The following GREB1L variants were observed in gnomAD, a reference collection of about 807,000 sequenced individuals.
The protein encoded by GREB1L is GREB1-like protein.
GREB1L carries 17 observed loss-of-function variants against 200.8 expected under a neutral mutation model. The ratio of observed to expected loss-of-function variants is 0.08; its 90% confidence interval spans 0.06 to 0.13. The LOEUF is 0.13. Among genes scored for constraint, GREB1L ranks in the 10% least tolerant of loss-of-function variants. The pLI, the probability that GREB1L is intolerant of heterozygous loss-of-function variation, is 1.00. For missense variants in GREB1L, 1,657 were observed against 2,367.7 expected (o/e 0.70, Z 6.23); for synonymous variants, 789 against 893.0 (o/e 0.88, Z 2.08).
rs377216142 is a variant in GREB1L, at chr18:21,442,602, C to A, written c.1207+1065C>A. 7.9e-5 allele frequency among the ~76,000 whole-genome samples: 12 copies of A among 152,278 alleles called. No individual in the cohort carries two copies. In the East Asian group the frequency reaches 2.3e-3, roughly 29 times the overall value. On this transcript the variant is annotated intron_variant, in intron 10 of 32. Transcript: ENST00000424526. ...GAGGGACTATCCTCTCCATCAACCA[C>A]CAAAACAGAGCATATTTTGGACATA...
intron 19 of GREB1L, among the ~76,000 whole-genome samples, chr18:21,493,420 A>G (rs1017669034): frequency 1.4e-4 from 22 of 152,280 alleles, no homozygotes; most frequent in African/African-American, 3.6e-4. Flanking sequence ...TGCTTCTGCA[A>G]TGTCATCTTG....
At chr18:21,249,166 A>G (rs2143901798) in intron 1 of GREB1L, among the ~76,000 whole-genome samples, 1 of 152,152 alleles carries the variant, frequency 6.6e-6, no homozygotes, top group East Asian at 1.9e-4. Flanking sequence ...TAGGTAGATA[A>G]CTTAGTTACA....
intron 17 of GREB1L, among the ~76,000 whole-genome samples, chr18:21,479,263 G>A (rs1274555976): frequency 6.6e-6 from 1 of 152,272 alleles, no homozygotes; most frequent in Admixed American, 6.5e-5. Flanking sequence ...AGAGACAACT[G>A]TCCTAATTCA....
At position 21,382,755 on chromosome 18, in the gene GREB1L, G is replaced by A. The variant is rs1186182704; in HGVS notation, c.-9-755G>A. Among the ~76,000 whole-genome samples, 5 of 152,082 alleles carry A rather than the reference G, an allele frequency of 3.3e-5. No individual in the cohort carries two copies. In the East Asian group the frequency reaches 5.8e-4, roughly 18 times the overall value. On this transcript the variant is annotated intron_variant, in intron 2 of 32. Transcript: ENST00000424526. ...ACCTGCCCCAGCCTCCCAAAGTGCC[G>A]GGTTTACAGGCATGAGCCACTATGC...
chr18:21,505,232 A>G (rs1340166068), intron 23 of GREB1L, among the ~76,000 whole-genome samples, 180 bp from the exon 24 acceptor site: 1 of 152,140 alleles, frequency 6.6e-6, no homozygotes, highest in Non-Finnish European at 1.5e-5. Context: ...GTGAGGGCAA[A>G]TGTTCCTCTC....
chr18:21,469,846 C>T (rs1384369275), intron 15 of GREB1L, among the ~76,000 whole-genome samples: 2 of 152,088 alleles, frequency 1.3e-5, no homozygotes. Flanking sequence ...TACTTCTGTG[C>T]CCAAACCACT....
At chr18:21,378,910 C>T (rs1224511367) in intron 2 of GREB1L, among the ~76,000 whole-genome samples, 2 of 151,636 alleles carry the variant, frequency 1.3e-5, no homozygotes, top group East Asian at 1.9e-4. Context: ...TGCTCTGTCA[C>T]CCAGGCTGGA....
chr18:21,508,294 C>T lies in GREB1L; in HGVS notation c.4530+15C>T. 6.4e-7 allele frequency: 1 copy of T among 1,551,606 alleles called. No individual in the cohort carries two copies. Among genetic ancestry groups the T allele is most frequent in the Non-Finnish European group, 8.7e-7 (1 of 1,147,006 alleles). On this transcript the variant is annotated intron_variant, in intron 26 of 32. Coordinates refer to ENST00000424526, the MANE Select transcript of GREB1L (RefSeq NM_001142966.3). ...TTTCAGACAAGGTGGGTGAGAGCATCTGGACTGGCAGGCACCAGACCTAGT... is the reference window on the plus strand; with the variant it reads ...TTTCAGACAAGGTGGGTGAGAGCATTTGGACTGGCAGGCACCAGACCTAGT...
intron 15 of GREB1L, among the ~76,000 whole-genome samples, chr18:21,471,193 T>G (rs1360401368): frequency 3.9e-5 from 6 of 152,266 alleles, no homozygotes; most frequent in African/African-American, 1.4e-4. Flanking sequence ...TTCATTTGTT[T>G]TGAAAGGCAG....
rs375428298 is a variant in GREB1L, at chr18:21,474,713, T to C, written c.2363+1502T>C. Among the ~76,000 whole-genome samples the C allele has an allele frequency of 1.1e-4, 17 of 152,320 alleles. No homozygotes were observed. In the East Asian group the frequency reaches 3.3e-3, roughly 29 times the overall value. On this transcript the variant is annotated intron_variant, in intron 16 of 32. Coordinates refer to ENST00000424526, the MANE Select transcript of GREB1L (RefSeq NM_001142966.3). ...ACCCCAAAAAGCCACTTTTCCCTCC[T>C]GGCCCACAAAAATACTTTTTCCTCC... is the stretch of plus-strand genomic sequence containing the variant.
At chr18:21,452,288 A>G (rs2034564656) in intron 14 of GREB1L, 71 bp downstream of exon 14, 2 of 1,450,610 alleles carry the variant, frequency 1.4e-6, no homozygotes, top group Non-Finnish European at 9.3e-7. Flanking sequence ...AAGTCATTCT[A>G]AGGGTTTTGA....
At chr18:21,300,779 C>A (rs1293938628) in intron 1 of GREB1L, among the ~76,000 whole-genome samples, 1 of 152,176 alleles carries the variant, frequency 6.6e-6, no homozygotes, top group African/African-American at 2.4e-5. Flanking sequence ...CCTCCTCACC[C>A]CTTCTTCCCC....
At chr18:21,248,206 A>T (rs1299938408) in intron 1 of GREB1L, among the ~76,000 whole-genome samples, 6 of 152,156 alleles carry the variant, frequency 3.9e-5, no homozygotes, top group Non-Finnish European at 7.3e-5. Context: ...CTTGTAAAGT[A>T]ATAGAGGTGA....
Position 21,257,888 on chromosome 18 carries a change from G to A in GREB1L, c.-120+15495G>A, listed in dbSNP as rs12605014. The stretch of plus-strand genomic sequence containing the variant: ...CATATCATTTCTAATCCTCACAACA[G>A]CCCTGTAAAGTAGGCATCATTATTC... On this transcript the variant is annotated intron_variant, in intron 1 of 32. Transcript: ENST00000424526. 2.1e-3 allele frequency among the ~76,000 whole-genome samples: 312 copies of A among 152,194 alleles called. 2 individuals are homozygous for A. The highest frequency in any genetic ancestry group is 0.017 in the East Asian group (88 of 5,178).
intron 15 of GREB1L, among the ~76,000 whole-genome samples, chr18:21,463,045 ATGTT>A (rs1455432197): frequency 6.6e-6 from 1 of 151,514 alleles, no homozygotes; most frequent in African/African-American, 2.4e-5. Flanking sequence ...TTGAATTAGA[ATGTT>A]TGTTACTGGG....
At chr18:21,439,490 T>C (rs1172576274) in intron 7 of GREB1L, 31 bp from the exon 8 acceptor site, 1 of 1,320,232 alleles carries the variant, frequency 7.6e-7, no homozygotes, top group Non-Finnish European at 1.1e-6. Context: ...CCAGCCTCTG[T>C]TCTGAGCACT....
At chr18:21,390,375 A>C (rs2040747104) in intron 4 of GREB1L, among the ~76,000 whole-genome samples, 3 of 151,996 alleles carry the variant, frequency 2.0e-5, no homozygotes, top group African/African-American at 7.2e-5. Context: ...TTATCATAGG[A>C]GATGACCCTC....
At chr18:21,438,339 G>A (rs1427723222) in intron 7 of GREB1L, among the ~76,000 whole-genome samples, 3 of 152,144 alleles carry the variant, frequency 2.0e-5, no homozygotes, top group Non-Finnish European at 2.9e-5. Context: ...TGATATTACA[G>A]TTATTTTTAA....
intron 1 of GREB1L, among the ~76,000 whole-genome samples, chr18:21,330,672 G>C (rs556113192): frequency 7.2e-5 from 11 of 152,184 alleles, no homozygotes; most frequent in East Asian, 1.9e-4. Context: ...TCCACTGAGG[G>C]GGGTAAGAAC....
Sources: gnomAD v4.1 joint callset for allele counts (sites outside exome capture counted in the v4.1 genomes callset) on GRCh38, gnomAD v4.1.1 for gene constraint, MANE v1.5 for transcripts, NCBI Gene and HGNC (gene_info 2026-07-23, HGNC 2026-07-21) for gene names.